Variants in PTPRG observed in about 807,000 individuals in gnomAD.
PTPRG encodes the protein protein tyrosine phosphatase receptor type G.
A neutral mutation model predicts 165.3 loss-of-function variants in PTPRG; 102 were observed. The observed-to-expected ratio is 0.62, with a 90% CI of 0.53 to 0.73. The LOEUF is 0.73. Among genes scored for constraint, PTPRG ranks in the 30% least tolerant of loss-of-function variants. PTPRG has a pLI of 0.00. For missense variants in PTPRG, 1,866 were observed against 1,861.4 expected, an observed-to-expected ratio of 1.00 and a Z score of -0.05; for synonymous variants, 675 against 669.5, an observed-to-expected ratio of 1.01 and a Z score of -0.13.
intron 16 of PTPRG, among the ~76,000 whole-genome samples, chr3:62,256,669 G>A (rs1465061455): frequency 2.0e-5 from 3 of 152,210 alleles, no homozygotes; most frequent in Admixed American, 6.5e-5. Context: ...ATTTAACAAC[G>A]TTGATGGTAT....
chr3:61,646,825 T>C (rs536114643), intron 1 of PTPRG, among the ~76,000 whole-genome samples: 1 of 152,326 alleles, frequency 6.6e-6, no homozygotes, highest in East Asian at 1.9e-4. Flanking sequence ...CTCTAGCAAT[T>C]ACTAACCCAT....
At chr3:61,738,131 C>G (rs1255737647) in intron 1 of PTPRG, among the ~76,000 whole-genome samples, 1 of 149,424 alleles carries the variant, frequency 6.7e-6, no homozygotes, top group East Asian at 2.0e-4. Context: ...ATCTCCTGAC[C>G]TCGTGATCCA....
chr3:61,839,724 A>T (rs2036567997), intron 2 of PTPRG, among the ~76,000 whole-genome samples: 1 of 152,230 alleles, frequency 6.6e-6, no homozygotes, highest in African/African-American at 2.4e-5. Flanking sequence ...CATTTAGAGA[A>T]ATAAAATCGC....
rs1375145934 is a variant in PTPRG, at chr3:62,237,852, A to G, written c.2376-5955A>G. ...AGATGCCATACAGATTTGATCAGCTACTATCACACATTACCCTCTGGACTT... is the reference window on the plus strand; with the variant it reads ...AGATGCCATACAGATTTGATCAGCTGCTATCACACATTACCCTCTGGACTT... On this transcript the variant is annotated intron_variant, in intron 14 of 29. Coordinates refer to ENST00000474889, the MANE Select transcript of PTPRG (RefSeq NM_002841.4). This position sits in a 1 kb window ranked among gnomAD's most constrained non-coding sequence, Gnocchi z 4.5. Among the ~76,000 whole-genome samples, 2 of 152,212 alleles carry G rather than the reference A, an allele frequency of 1.3e-5. No individual in the cohort carries two copies. The highest frequency in any genetic ancestry group is 4.8e-5 in the African/African-American group (2 of 41,456).
At chr3:61,897,942 T>C (rs548543953) in intron 2 of PTPRG, among the ~76,000 whole-genome samples, 1 of 152,244 alleles carries the variant, frequency 6.6e-6, no homozygotes, top group Non-Finnish European at 1.5e-5. Flanking sequence ...TAGGAGGTTT[T>C]TTTTCATGGA....
At chr3:61,799,734 G>A (rs1017913446) in intron 2 of PTPRG, among the ~76,000 whole-genome samples, 5 of 152,188 alleles carry the variant, frequency 3.3e-5, no homozygotes, top group Admixed American at 6.5e-5. Flanking sequence ...TTTCTCCACT[G>A]TAAGTTTGCC....
chr3:61,726,809 A>G (rs1464029707), intron 1 of PTPRG, among the ~76,000 whole-genome samples: 2 of 152,122 alleles, frequency 1.3e-5, no homozygotes, highest in Non-Finnish European at 2.9e-5. Context: ...GCACTTTGGG[A>G]GGCCGAGGCG....
intron 1 of PTPRG, among the ~76,000 whole-genome samples, chr3:61,608,361 G>T (rs1701071648): frequency 6.6e-6 from 1 of 152,206 alleles, no homozygotes; most frequent in East Asian, 1.9e-4. Flanking sequence ...CATCATTAAG[G>T]ATTGGTTCAG....
chr3:61,701,952 A>G (rs1481665825), intron 1 of PTPRG, among the ~76,000 whole-genome samples: 1 of 151,594 alleles, frequency 6.6e-6, no homozygotes, highest in East Asian at 1.9e-4. Context: ...GAAGGAAAGA[A>G]AAAAGGAAAA....
intron 12 of PTPRG, among the ~76,000 whole-genome samples, chr3:62,207,016 AC>A (rs1023445957): frequency 2.0e-5 from 3 of 151,658 alleles, no homozygotes; most frequent in Non-Finnish European, 4.4e-5. Context: ...GAGAAGGTCC[AC>A]TTCTGAAAGC....
At chr3:61,864,830 G>A (rs1436895480) in intron 2 of PTPRG, among the ~76,000 whole-genome samples, 1 of 152,150 alleles carries the variant, frequency 6.6e-6, no homozygotes, top group African/African-American at 2.4e-5. Context: ...GTAATGTGTG[G>A]TATCTGTTCT....
At chr3:62,113,618 A>T (rs1388684873) in intron 5 of PTPRG, among the ~76,000 whole-genome samples, 1 of 152,190 alleles carries the variant, frequency 6.6e-6, no homozygotes, top group African/African-American at 2.4e-5. Flanking sequence ...TGCTTGTACA[A>T]ATGTCAAGCA....
rs11351369 is a variant in PTPRG at position 62,030,197 on chromosome 3, G to GTTT, written c.519+26713_519+26715dup. 7.9e-4 allele frequency among the ~76,000 whole-genome samples: 115 copies of GTTT among 144,848 alleles called. No individual in the cohort carries two copies. The East Asian group carries it at 0.018, about 22-fold the overall frequency. The stretch of plus-strand genomic sequence containing the variant: ...AAAATGATGGGAAAATTTTCCCTGT[G>GTTT]TTTTTTTTTTTTTTTAACTTAAGTC... On this transcript the variant is annotated intron_variant, in intron 4 of 29. Coordinates refer to ENST00000474889, the MANE Select transcript of PTPRG (RefSeq NM_002841.4).
chr3:62,004,519 A>G (rs1259918062), intron 4 of PTPRG, among the ~76,000 whole-genome samples: 1 of 152,204 alleles, frequency 6.6e-6, no homozygotes, highest in Non-Finnish European at 1.5e-5. Context: ...GTTTTCTTAC[A>G]CATTGTTACA....
intron 1 of PTPRG, among the ~76,000 whole-genome samples, chr3:61,562,930 C>G (rs1343224744): frequency 6.6e-6 from 1 of 151,832 alleles, no homozygotes; most frequent in African/African-American, 2.4e-5. Context: ...AGCCTGCGTT[C>G]TGGGTCGGGG....
intron 4 of PTPRG, among the ~76,000 whole-genome samples, chr3:62,053,293 G>A (rs1171320634): frequency 7.1e-6 from 1 of 140,578 alleles, no homozygotes; most frequent in Non-Finnish European, 1.5e-5. Flanking sequence ...TGGAGACGGA[G>A]TCTCTTTCTG....
intron 4 of PTPRG, among the ~76,000 whole-genome samples, chr3:62,026,852 C>T (rs2041815142): frequency 7.9e-6 from 1 of 126,382 alleles, no homozygotes. Flanking sequence ...CACTGCTGCA[C>T]TCCAGCCTGG....
intron 15 of PTPRG, among the ~76,000 whole-genome samples, chr3:62,250,088 T>C (rs192231793): frequency 1.3e-5 from 2 of 152,320 alleles, no homozygotes; most frequent in East Asian, 1.9e-4. Flanking sequence ...TAAGTACTTG[T>C]GTTATCTTGT....
intron 2 of PTPRG, among the ~76,000 whole-genome samples, chr3:61,836,591 A>G (rs1206478907): frequency 6.6e-6 from 1 of 152,202 alleles, no homozygotes; most frequent in Non-Finnish European, 1.5e-5. Flanking sequence ...GGCCTGAACT[A>G]GGAATATCAG....
Sources: allele counts gnomAD v4.1 joint callset (sites outside exome capture counted in the v4.1 genomes callset), GRCh38; gene constraint gnomAD v4.1.1; non-coding constraint Gnocchi (gnomAD v3.1); transcripts MANE v1.5; gene names NCBI Gene and HGNC (gene_info 2026-07-23, HGNC 2026-07-21).